Variants in TRAPPC9 observed in about 807,000 individuals in gnomAD.
TRAPPC9 encodes the protein IKK2 binding protein.
In TRAPPC9, 83 loss-of-function variants were observed where a neutral mutation model predicts 124.0. That is an observed-to-expected ratio of 0.67 (90% CI 0.56 to 0.80). The LOEUF (loss-of-function observed/expected upper bound fraction) is 0.80. Ranked by LOEUF, TRAPPC9 falls within the 30% of genes least tolerant of loss-of-function variation. TRAPPC9 has a pLI of 0.00. For missense variants in TRAPPC9, 1,302 were observed against 1,508.3 expected (o/e 0.86, Z 2.27); for synonymous variants, 638 against 617.5 (o/e 1.03, Z -0.49).
chr8:140,046,415 G>T (rs113921346), intron 17 of TRAPPC9, among the ~76,000 whole-genome samples: 1 of 152,220 alleles, frequency 6.6e-6, no homozygotes, highest in Non-Finnish European at 1.5e-5. Flanking sequence ...AGGGGCCTTC[G>T]CCCCAGACTC....
chr8:140,262,077 T>C (rs2064437721), intron 15 of TRAPPC9, among the ~76,000 whole-genome samples: 1 of 152,212 alleles, frequency 6.6e-6, no homozygotes, highest in Admixed American at 6.5e-5. Flanking sequence ...ACACCCATTT[T>C]AGGGAAGCTA....
chr8:139,815,852 G>A (rs948601164), intron 21 of TRAPPC9, among the ~76,000 whole-genome samples: 4 of 152,210 alleles, frequency 2.6e-5, no homozygotes, highest in African/African-American at 7.2e-5. Flanking sequence ...GTGCAAACAC[G>A]GGTGGCTCTT....
intron 17 of TRAPPC9, among the ~76,000 whole-genome samples, chr8:140,163,137 C>T (rs1439745944): frequency 5.3e-5 from 8 of 152,236 alleles, no homozygotes; most frequent in South Asian, 2.1e-4. Flanking sequence ...CAGCTATGCA[C>T]GCAGAGGGCT....
intron 2 of TRAPPC9, among the ~76,000 whole-genome samples, chr8:140,444,722 G>A (rs549233533): frequency 1.3e-5 from 2 of 152,050 alleles, no homozygotes; most frequent in South Asian, 4.2e-4. Flanking sequence ...AAATTAGTGG[G>A]GCATGGTTGC....
intron 17 of TRAPPC9, among the ~76,000 whole-genome samples, chr8:140,155,241 G>C (rs2061608524): frequency 6.6e-6 from 1 of 152,238 alleles, no homozygotes. Context: ...AGGCTTAGGA[G>C]AGAAGGACTC....
intron 19 of TRAPPC9, among the ~76,000 whole-genome samples, chr8:139,949,831 G>A (rs190972999): frequency 3.9e-5 from 6 of 152,286 alleles, no homozygotes; most frequent in Admixed American, 2.0e-4. Flanking sequence ...TCATGGTAAC[G>A]GCTGCACAAC....
intron 14 of TRAPPC9, among the ~76,000 whole-genome samples, chr8:140,277,558 A>T (rs1176365797): frequency 6.6e-6 from 1 of 152,264 alleles, no homozygotes; most frequent in Non-Finnish European, 1.5e-5. Flanking sequence ...AAAACAAAAC[A>T]ACGCTTCACC....
At chr8:139,812,304 A>G (rs1473529837) in intron 21 of TRAPPC9, among the ~76,000 whole-genome samples, 1 of 152,252 alleles carries the variant, frequency 6.6e-6, no homozygotes, top group Non-Finnish European at 1.5e-5. Context: ...GCATTGTCAC[A>G]GTAAAAATGA....
rs149987442 is a variant in TRAPPC9, at chr8:140,431,353, A to T, written c.859+3759T>A. ...GTGCCTGTAATCCCAGCTACTCGGG[A>T]GGCTGAGGCAGGAGAATTGCTTGAA... On this transcript the variant is annotated intron_variant, in intron 4 of 22. Transcript: ENST00000438773. Among the ~76,000 whole-genome samples, 166 of 152,028 alleles carry T rather than the reference A, an allele frequency of 1.1e-3. 4 individuals carry two copies. The East Asian group carries it at 0.031, about 28-fold the overall frequency.
rs2131686474 is a variant in TRAPPC9 at position 139,984,973 on chromosome 8, C to T, written c.2810+3753G>A. 6.6e-6 allele frequency among the ~76,000 whole-genome samples: 1 copy of T among 152,286 alleles called. No homozygotes were observed. Among genetic ancestry groups the T allele is most frequent in the African/African-American group, 2.4e-5 (1 of 41,556 alleles). ...GTTAGACACTTGTCCCAATGTGTTG[C>T]CAATCCCCAGCGAGGAGGGGCCCTT... On this transcript the variant is annotated intron_variant, in intron 19 of 22. Transcript: ENST00000438773. The surrounding 1 kb of genome is among the most constrained non-coding windows in gnomAD (Gnocchi z 4.3).
At chr8:139,770,865 G>A (rs1409612942) in intron 21 of TRAPPC9, among the ~76,000 whole-genome samples, 1 of 152,218 alleles carries the variant, frequency 6.6e-6, no homozygotes, top group East Asian at 1.9e-4. Context: ...CACCACCAGA[G>A]ACCTTGAACA....
intron 9 of TRAPPC9, among the ~76,000 whole-genome samples, chr8:140,349,377 G>A (rs1332329421): frequency 3.9e-5 from 4 of 101,990 alleles, no homozygotes; most frequent in African/African-American, 6.9e-5. Flanking sequence ...GCGAGGGAAG[G>A]GCACACAGCG....
intron 17 of TRAPPC9, among the ~76,000 whole-genome samples, chr8:140,089,014 C>A (rs907785932): frequency 1.3e-5 from 2 of 152,140 alleles, no homozygotes; most frequent in Non-Finnish European, 2.9e-5. Flanking sequence ...TTTCTCTAGA[C>A]CCTTCTGCTG....
intron 17 of TRAPPC9, among the ~76,000 whole-genome samples, chr8:140,090,508 G>T (rs1186355771): frequency 6.6e-6 from 1 of 152,212 alleles, no homozygotes; most frequent in Non-Finnish European, 1.5e-5. Flanking sequence ...TAGCTCCACT[G>T]GCGTATTACC....
At chr8:139,971,584 G>C (rs116152234) in intron 19 of TRAPPC9, among the ~76,000 whole-genome samples, 2,304 of 151,960 alleles carry the variant, frequency 0.015, 57 homozygotes, top group African/African-American at 0.053. Context: ...CTATCCCCTC[G>C]AGCCCAGTGC....
intron 21 of TRAPPC9, among the ~76,000 whole-genome samples, chr8:139,845,639 G>A (rs1163842615): frequency 2.6e-5 from 4 of 152,194 alleles, no homozygotes; most frequent in Admixed American, 6.5e-5. Flanking sequence ...CATGCTCCCC[G>A]CAGTGTGGGA....
At chr8:140,220,026 C>T (rs1409732875) in intron 17 of TRAPPC9, among the ~76,000 whole-genome samples, 1 of 152,170 alleles carries the variant, frequency 6.6e-6, no homozygotes, top group Non-Finnish European at 1.5e-5. Context: ...CTGGGGCACG[C>T]CCTGGGAATC....
chr8:140,068,119 G>A (rs1250227386), intron 17 of TRAPPC9, among the ~76,000 whole-genome samples: 2 of 152,118 alleles, frequency 1.3e-5, no homozygotes, highest in Non-Finnish European at 2.9e-5. Context: ...CTGTGTCTGA[G>A]CTCCTTACAA....
intron 8 of TRAPPC9, among the ~76,000 whole-genome samples, chr8:140,361,962 G>T (rs763553498): frequency 6.6e-5 from 10 of 152,106 alleles, no homozygotes; most frequent in Non-Finnish European, 1.5e-5. Context: ...ATTTGAAGAC[G>T]TTGCTCCAAG....
Sources: gnomAD v4.1 joint callset for allele counts (sites outside exome capture counted in the v4.1 genomes callset) on GRCh38, gnomAD v4.1.1 for gene constraint, Gnocchi (gnomAD v3.1) non-coding constraint, MANE v1.5 for transcripts, NCBI Gene and HGNC (gene_info 2026-07-23, HGNC 2026-07-21) for gene names.